The following SDC1 variants were observed in gnomAD, a reference collection of about 807,000 sequenced individuals.
SDC1 encodes syndecan 1, also known as syndecan-1.
In SDC1, 14 loss-of-function variants were observed where a neutral mutation model predicts 29.7. That is an observed-to-expected ratio of 0.47 (90% CI 0.31 to 0.74). The LOEUF (loss-of-function observed/expected upper bound fraction) is 0.74, where lower values mean the gene tolerates loss of function less well. Among genes scored for constraint, SDC1 ranks in the 30% least tolerant of loss-of-function variants. SDC1 has a pLI of 0.05. For synonymous variants in SDC1, 204 were observed against 175.5 expected, an observed-to-expected ratio of 1.16 and a Z score of -1.29; for missense variants, 406 against 400.3, an observed-to-expected ratio of 1.01 and a Z score of -0.12.
At chr2:20,220,290 C>T (rs899250460) in intron 1 of SDC1, among the ~76,000 whole-genome samples, 5 of 152,158 alleles carry the variant, frequency 3.3e-5, no homozygotes, top group Non-Finnish European at 5.9e-5. Context: ...GTTCAGCCAG[C>T]CCCCAAATGC....
At chr2:20,223,374 T>A in intron 1 of SDC1, 1 of 1,079,056 alleles carries the variant, frequency 9.3e-7, no homozygotes, top group Non-Finnish European at 1.3e-6. Context: ...CTTGTCCAGA[T>A]GCCACATTAG....
At chr2:20,223,407 C>G in intron 1 of SDC1, 1 of 581,408 alleles carries the variant, frequency 1.7e-6, no homozygotes, top group South Asian at 1.6e-5. Context: ...CGAGTGCCCA[C>G]CCCGCCCCCG....
Position 20,204,024 on chromosome 2 carries a change from G to A in SDC1, c.416C>T (p.Thr139Met), listed in dbSNP as rs542463050. Residue 139 changes from threonine (T) to methionine (M), a missense_variant, in exon 3 of 5, where the codon ACG (threonine) becomes ATG (methionine). Thr to Met is a moderately conservative substitution (Grantham distance 81, BLOSUM62 -1). Coordinates refer to ENST00000254351, the MANE Select transcript of SDC1 (RefSeq NM_002997.5). ...CTCCTGGGCCGTGGTGGCTGTGGTC[G>A]TTGAGGCCAGATGAGTGGTCGGGAG... Reference protein sequence around the residue: ...TQLPTTHLASTTTATTAQEPA... With the variant: ...TQLPTTHLASMTTATTAQEPA... The A allele has an allele frequency of 1.1e-4, 175 of 1,613,270 alleles. No individual in the cohort carries two copies. Among genetic ancestry groups the A allele is most frequent in the Non-Finnish European group, 1.3e-4 (155 of 1,179,626 alleles).
chr2:20,214,307 T>A (rs1009204028), intron 1 of SDC1, among the ~76,000 whole-genome samples: 1 of 151,816 alleles, frequency 6.6e-6, no homozygotes, highest in African/African-American at 2.4e-5. Context: ...ACAATTCAGA[T>A]TGAGTAAGCA....
chr2:20,207,822 C>T (rs1677328401), intron 1 of SDC1: 1 of 417,236 alleles, frequency 2.4e-6, no homozygotes, highest in African/African-American at 2.2e-5. Flanking sequence ...TGCTGCCTTC[C>T]CAGAGCTCTG....
chr2:20,216,772 C>A (rs1677637441), intron 1 of SDC1, among the ~76,000 whole-genome samples: 1 of 152,190 alleles, frequency 6.6e-6, no homozygotes, highest in Non-Finnish European at 1.5e-5. Flanking sequence ...TGGCCACGAG[C>A]TCCTCGGCCC....
intron 1 of SDC1, chr2:20,223,533 C>T: frequency 6.3e-6 from 2 of 316,780 alleles, no homozygotes; most frequent in South Asian, 5.1e-5. Context: ...TCCGCACCTC[C>T]CCTCTGCATC....
chr2:20,220,224 G>A (rs945133134), intron 1 of SDC1, among the ~76,000 whole-genome samples: 1 of 152,206 alleles, frequency 6.6e-6, no homozygotes, highest in Non-Finnish European at 1.5e-5. Context: ...AGCCCAAAAC[G>A]CTCATATCCA....
intron 1 of SDC1, among the ~76,000 whole-genome samples, chr2:20,214,746 GGAA>G (rs1412430967): frequency 6.6e-6 from 1 of 152,180 alleles, no homozygotes; most frequent in Non-Finnish European, 1.5e-5. Flanking sequence ...GGGGTGTGGT[GGAA>G]GAAGAGTCTA....
At chr2:20,206,368 C>T (rs1021475280) in intron 1 of SDC1, among the ~76,000 whole-genome samples, 3 of 151,956 alleles carry the variant, frequency 2.0e-5, no homozygotes, top group South Asian at 2.1e-4. Flanking sequence ...CTGGCAGGAC[C>T]GGGGGCGGGG....
At chr2:20,205,211 C>CAGCTGGGT in intron 2 of SDC1, 132 bp downstream of exon 2, 1 of 742,704 alleles carries the variant, frequency 1.3e-6, no homozygotes, top group Non-Finnish European at 2.4e-6. Flanking sequence ...CCTTTGGAGC[C>CAGCTGGGT]AGCTGGGTGG....
chr2:20,205,465 C>T (rs566302425), intron 1 of SDC1, 41 bp from the exon 2 acceptor site: 147 of 1,539,772 alleles, frequency 9.5e-5, no homozygotes, highest in Non-Finnish European at 1.2e-4. Context: ...AAGGCTTGGC[C>T]GGGTCTCTGC....
At chr2:20,203,379 G>A (rs1184798644) in intron 3 of SDC1, among the ~76,000 whole-genome samples, 157 bp from the exon 4 acceptor site, 2 of 152,218 alleles carry the variant, frequency 1.3e-5, no homozygotes, top group African/African-American at 4.8e-5. Flanking sequence ...CCGAAAGCCA[G>A]GCCTTCTTGC....
rs1355899913 is a variant in SDC1 at position 20,224,925 on chromosome 2, G to A, written c.-58C>T. ...CTGCGCGGGTCGCGGCTGCGGGCCG[G>A]CTTCGCGGGTTCCGCTGCTCGATGC... On this transcript the variant is annotated 5_prime_UTR_variant, in exon 1 of 5. Transcript: ENST00000254351. This position sits in a 1 kb window ranked among gnomAD's most constrained non-coding sequence, Gnocchi z 4.9. 8.3e-7 allele frequency: 1 copy of A among 1,203,454 alleles called. No homozygotes were observed. Among genetic ancestry groups the A allele is most frequent in the Non-Finnish European group, 1.0e-6 (1 of 970,274 alleles). 74.5% of individuals were successfully genotyped at this position (1,203,454 alleles called of 1,614,324 possible). A position where few individuals can be genotyped will look rare whatever the true frequency, so the allele number is the denominator to read the frequency against.
chr2:20,206,768 T>G, intron 1 of SDC1, among the ~76,000 whole-genome samples: 1 of 152,104 alleles, frequency 6.6e-6, no homozygotes, highest in South Asian at 2.1e-4. Context: ...ATCTGTAAAA[T>G]GGGGAAATAA....
chr2:20,223,796 G>A (rs561627920), intron 1 of SDC1, among the ~76,000 whole-genome samples: 168 of 152,342 alleles, frequency 1.1e-3, no homozygotes, highest in African/African-American at 4.0e-3. Context: ...GGGCGGGAGA[G>A]CCACTTTCTG....
intron 1 of SDC1, among the ~76,000 whole-genome samples, chr2:20,221,907 G>C (rs551504710): frequency 6.6e-6 from 1 of 152,278 alleles, no homozygotes; most frequent in Non-Finnish European, 1.5e-5. Context: ...GAGGCAGCTA[G>C]TGCCTCCCCC....
intron 2 of SDC1, among the ~76,000 whole-genome samples, chr2:20,204,985 T>C (rs1677206565): frequency 6.6e-6 from 1 of 152,202 alleles, no homozygotes; most frequent in African/African-American, 2.4e-5. Flanking sequence ...TTATTCCCAT[T>C]TTGCAGATGA....
At chr2:20,212,054 G>A (rs1224736236) in intron 1 of SDC1, among the ~76,000 whole-genome samples, 2 of 152,190 alleles carry the variant, frequency 1.3e-5, no homozygotes, top group Non-Finnish European at 2.9e-5. Flanking sequence ...GCCAGAAGGG[G>A]CTTGGTGGAT....
Sources: gnomAD v4.1 joint callset for allele counts (sites outside exome capture counted in the v4.1 genomes callset) on GRCh38, gnomAD v4.1.1 for gene constraint, Gnocchi (gnomAD v3.1) non-coding constraint, MANE v1.5 for transcripts, NCBI Gene and HGNC (gene_info 2026-07-23, HGNC 2026-07-21) for gene names.